The following TRANK1 variants were observed in gnomAD, a reference collection of about 807,000 sequenced individuals.
The protein encoded by TRANK1 is tetratricopeptide repeat and ankyrin repeat containing 1.
A neutral mutation model predicts 266.0 loss-of-function variants in TRANK1; 198 were observed. That is an observed-to-expected ratio of 0.74 (90% confidence interval 0.66 to 0.84). The LOEUF is 0.84. TRANK1 is among the 40% of genes least tolerant of loss of function. The pLI, the probability that TRANK1 is intolerant of heterozygous loss-of-function variation, is 0.00. For synonymous variants in TRANK1, 1,396 were observed against 1,384.1 expected (o/e 1.01, Z -0.19); for missense variants, 3,326 against 3,634.6 (o/e 0.92, Z 2.18).
At position 36,927,772 on chromosome 3, in the gene TRANK1, T is replaced by C. The variant is rs116051494; in HGVS notation, c.23+17015A>G. 5.5e-3 allele frequency among the ~76,000 whole-genome samples: 831 copies of C among 152,302 alleles called. 8 individuals are homozygous for C. Among genetic ancestry groups the C allele is most frequent in the African/African-American group, 0.019 (796 of 41,558 alleles). ...TAAGCCAGATGCAACATCTCAAATA[T>C]TATTTTTCTACTCAGTGGAAATTTA... On this transcript the variant is annotated intron_variant, in intron 1 of 23. Coordinates refer to ENST00000645898, the MANE Select transcript of TRANK1 (RefSeq NM_001329998.2).
chr3:36,833,340 C>T lies in TRANK1; in HGVS notation c.6243G>A (p.Leu2081=). ...SQCEAEPEKI[L]GLAPGGLEIL... is the part of the protein sequence containing the mutation. The stretch of plus-strand genomic sequence containing the variant: ...TTTCCAAGCCCCCTGGAGCCAGGCC[C>T]AGAATCTTCTCAGGCTCGGCCTCAC... The change falls in exon 22 of 24, where the codon CTG becomes CTA. Residue 2081 remains leucine (L), a synonymous_variant. Coordinates refer to ENST00000645898, the MANE Select transcript of TRANK1 (RefSeq NM_001329998.2). The T allele has an allele frequency of 6.2e-7, 1 of 1,613,942 alleles. No individual in the cohort carries two copies. Among genetic ancestry groups the T allele is most frequent in the Non-Finnish European group, 8.5e-7 (1 of 1,179,858 alleles).
chr3:36,830,130 C>T (rs572305403), intron 22 of TRANK1, among the ~76,000 whole-genome samples: 1 of 152,164 alleles, frequency 6.6e-6, no homozygotes, highest in African/African-American at 2.4e-5. Context: ...GCCTGGCCAA[C>T]ATGGTGAAAC....
chr3:36,850,255 A>G, intron 15 of TRANK1: 1 of 985,476 alleles, frequency 1.0e-6, no homozygotes, highest in Non-Finnish European at 1.2e-6. Flanking sequence ...AGGGTTAATG[A>G]GTGTGCATCT....
intron 5 of TRANK1, 46 bp downstream of exon 5, chr3:36,895,590 ATTTC>A: frequency 8.7e-7 from 1 of 1,149,172 alleles, no homozygotes; most frequent in Non-Finnish European, 1.2e-6. Context: ...GAAAGGAATC[ATTTC>A]ATCAAGAATG....
intron 2 of TRANK1, among the ~76,000 whole-genome samples, chr3:36,907,754 G>A (rs771984866): frequency 2.0e-5 from 3 of 152,040 alleles, no homozygotes; most frequent in Non-Finnish European, 4.4e-5. Flanking sequence ...ATGAGCCACC[G>A]CACCCGGCCA....
chr3:36,930,626 A>T (rs2080348931), intron 1 of TRANK1, among the ~76,000 whole-genome samples: 1 of 152,262 alleles, frequency 6.6e-6, no homozygotes, highest in Admixed American at 6.5e-5. Flanking sequence ...AATAAAAGGA[A>T]CAAATTGCTG....
intron 1 of TRANK1, among the ~76,000 whole-genome samples, chr3:36,941,922 A>C (rs920605458): frequency 6.6e-6 from 1 of 152,138 alleles, no homozygotes; most frequent in African/African-American, 2.4e-5. Context: ...CCACCTCCCC[A>C]TCTGGAAATG....
At chr3:36,854,371 A>AG (rs1197456251) in intron 13 of TRANK1, among the ~76,000 whole-genome samples, 1 of 150,082 alleles carries the variant, frequency 6.7e-6, no homozygotes, top group Non-Finnish European at 1.5e-5. Flanking sequence ...AAAAAACAAA[A>AG]AAAAAAGAAA....
chr3:36,829,628 C>G lies in TRANK1; in HGVS notation c.8745G>C (p.Leu2915=). 1 of 1,613,982 alleles carries G rather than the reference C, an allele frequency of 6.2e-7. No individual in the cohort carries two copies. Among genetic ancestry groups the G allele is most frequent in the South Asian group, 1.1e-5 (1 of 91,080 alleles). ...EEAMTRLVNI[L]ILSVRDARDW... ...CTCGTGCATCCCTGACTGACAGGAT[C>G]AGAATGTTGACCAGCCGAGTCATCG... The change falls in exon 23 of 24, where the codon CTG becomes CTC. Residue 2915 remains leucine, a synonymous_variant. Transcript: ENST00000645898.
chr3:36,856,471 G>A lies in TRANK1; in HGVS notation c.3251C>T (p.Thr1084Ile), dbSNP rs771183847. ...CTTCCACAATCTGTACAAGCAGCAG[G>A]TTGTCTTCCCAGTGCCACTTCGCCC... ...LIGRSGTGKT[T>I]CCLYRLWKKF... Residue 1084 changes from threonine (T) to isoleucine (I), a missense_variant, in exon 13 of 24, where the codon ACC becomes ATC. Thr to Ile is a moderately conservative substitution (Grantham distance 89). Coordinates refer to ENST00000645898, the MANE Select transcript of TRANK1 (RefSeq NM_001329998.2). The A allele has an allele frequency of 1.3e-5, 21 of 1,614,008 alleles. No homozygotes were observed. Among genetic ancestry groups the A allele is most frequent in the Non-Finnish European group, 1.7e-5 (20 of 1,179,894 alleles).
chr3:36,939,207 C>T (rs2080464229), intron 1 of TRANK1, among the ~76,000 whole-genome samples: 1 of 151,620 alleles, frequency 6.6e-6, no homozygotes, highest in South Asian at 2.1e-4. Flanking sequence ...TTTTCCATGG[C>T]CTCTACCCTC....
At chr3:36,874,418 G>T in intron 8 of TRANK1, 122 bp from the exon 9 acceptor site, 2 of 1,065,224 alleles carry the variant, frequency 1.9e-6, no homozygotes, top group Non-Finnish European at 2.6e-6. Flanking sequence ...AGGGTCTTCT[G>T]TTTGTGGAGC....
chr3:36,866,310 A>G (rs1041368493), intron 9 of TRANK1, among the ~76,000 whole-genome samples: 1 of 152,250 alleles, frequency 6.6e-6, no homozygotes, highest in Admixed American at 6.5e-5. Context: ...GTTCAATGTC[A>G]TGTTCTACCA....
At chr3:36,943,106 C>A (rs2125675623) in intron 1 of TRANK1, among the ~76,000 whole-genome samples, 1 of 151,966 alleles carries the variant, frequency 6.6e-6, no homozygotes, top group South Asian at 2.1e-4. Flanking sequence ...GCAGGAGAAT[C>A]GCTTGAACCC....
intron 1 of TRANK1, among the ~76,000 whole-genome samples, chr3:36,939,709 A>G (rs1215999627): frequency 6.6e-6 from 1 of 152,200 alleles, no homozygotes; most frequent in Non-Finnish European, 1.5e-5. Flanking sequence ...CAGCAATAAC[A>G]AAAAACACTG....
At chr3:36,858,133 G>A in intron 12 of TRANK1, 84 bp from the exon 13 acceptor site, 1 of 1,152,942 alleles carries the variant, frequency 8.7e-7, no homozygotes, top group East Asian at 2.6e-5. Context: ...AGTGATGCCA[G>A]CCAGGGGCAT....
chr3:36,899,221 G>C lies in TRANK1; in HGVS notation c.321C>G (p.His107Gln). 1 of 1,537,302 alleles carries C rather than the reference G, an allele frequency of 6.5e-7. No individual in the cohort carries two copies. Among genetic ancestry groups the C allele is most frequent in the Non-Finnish European group, 8.7e-7 (1 of 1,146,924 alleles). Residue 107 changes from histidine to glutamine, a missense_variant, in exon 4 of 24, where the codon CAC becomes CAG. Coordinates refer to ENST00000645898, the MANE Select transcript of TRANK1 (RefSeq NM_001329998.2). ...YRAGYSLLRL[H>Q]QPYEAARMFF... Reference sequence around the variant, plus strand: ...ACATGCGAGCGGCTTCGTAAGGCTGGTGCAACCTCAGCAAGGAATAACCAG... The same window carrying C: ...ACATGCGAGCGGCTTCGTAAGGCTGCTGCAACCTCAGCAAGGAATAACCAG...
chr3:36,873,359 T>C (rs1395277958), intron 9 of TRANK1, among the ~76,000 whole-genome samples: 7 of 152,206 alleles, frequency 4.6e-5, no homozygotes, highest in East Asian at 1.9e-4. Flanking sequence ...ATAGGAGTCA[T>C]GTATGAGTGC....
chr3:36,908,604 C>G (rs2080007967), intron 1 of TRANK1, 150 bp from the exon 2 acceptor site: 1 of 1,230,096 alleles, frequency 8.1e-7, no homozygotes, highest in Non-Finnish European at 1.0e-6. Flanking sequence ...CTCTCACCAC[C>G]AGGAAACCAG....
Sources: allele counts gnomAD v4.1 joint callset (sites outside exome capture counted in the v4.1 genomes callset), GRCh38; gene constraint gnomAD v4.1.1; transcripts MANE v1.5; gene names NCBI Gene and HGNC (gene_info 2026-07-23, HGNC 2026-07-21).